Variants in MEIKIN observed in about 807,000 individuals in gnomAD.
MEIKIN encodes the protein meiosis-specific kinetochore protein.
At chr5:131,888,618 T>A (rs563333270) in intron 8 of MEIKIN, among the ~76,000 whole-genome samples, 4 of 152,242 alleles carry the variant, frequency 2.6e-5, no homozygotes, top group Non-Finnish European at 5.9e-5. Context: ...TAGCCCTTTG[T>A]CAGATGAGTA....
intron 9 of MEIKIN, among the ~76,000 whole-genome samples, chr5:131,861,998 C>G (rs1162165341): frequency 6.6e-6 from 1 of 152,114 alleles, no homozygotes; most frequent in Non-Finnish European, 1.5e-5. Context: ...TCCTCTTCAA[C>G]TTTTTGAAAT....
At chr5:131,906,922 T>C (rs963879781) in intron 8 of MEIKIN, among the ~76,000 whole-genome samples, 5 of 152,158 alleles carry the variant, frequency 3.3e-5, no homozygotes, top group African/African-American at 4.8e-5. Flanking sequence ...GCTTATTACA[T>C]AGATGAAGAA....
chr5:131,845,517 G>C (rs189098745), intron 11 of MEIKIN, among the ~76,000 whole-genome samples: 112 of 151,282 alleles, frequency 7.4e-4, no homozygotes, highest in South Asian at 6.2e-3. Context: ...TTTAAAAGAT[G>C]CTCAAAGAAC....
chr5:131,929,972 G>A (rs545822741), intron 5 of MEIKIN, among the ~76,000 whole-genome samples: 2 of 152,270 alleles, frequency 1.3e-5, no homozygotes, highest in Admixed American at 1.3e-4. Flanking sequence ...CTGCTATTGT[G>A]AAAATAGCTG....
intron 9 of MEIKIN, among the ~76,000 whole-genome samples, chr5:131,871,493 G>A (rs1032336934): frequency 8.5e-5 from 13 of 152,354 alleles, no homozygotes; most frequent in African/African-American, 2.9e-4. Flanking sequence ...TAAACAAAGC[G>A]GCTGGGAAGC....
intron 9 of MEIKIN, among the ~76,000 whole-genome samples, chr5:131,856,764 C>A (rs1010457956): frequency 5.9e-5 from 9 of 151,746 alleles, no homozygotes; most frequent in Non-Finnish European, 1.5e-5. Flanking sequence ...AGCTTCCCTA[C>A]ATTTTTTCTT....
intron 11 of MEIKIN, among the ~76,000 whole-genome samples, chr5:131,829,512 T>C (rs2149606110): frequency 6.6e-6 from 1 of 152,290 alleles, no homozygotes; most frequent in East Asian, 1.9e-4. Flanking sequence ...ACTTCCTTAG[T>C]AAATTGAAAT....
intron 9 of MEIKIN, among the ~76,000 whole-genome samples, chr5:131,873,776 G>C (rs1396989273): frequency 1.3e-5 from 2 of 152,168 alleles, no homozygotes; most frequent in African/African-American, 4.8e-5. Context: ...TAAAAGAACA[G>C]AAATTATAAC....
intron 8 of MEIKIN, among the ~76,000 whole-genome samples, chr5:131,891,092 T>A (rs1443530843): frequency 6.6e-5 from 10 of 152,230 alleles, no homozygotes; most frequent in African/African-American, 2.4e-4. Context: ...CAGTTTGTTA[T>A]GATTTCTGTT....
chr5:131,939,905 T>TATGA (rs1751840317), intron 4 of MEIKIN, among the ~76,000 whole-genome samples: 2 of 152,210 alleles, frequency 1.3e-5, no homozygotes, highest in Admixed American at 1.3e-4. Flanking sequence ...TAAATGGTAT[T>TATGA]TTCTCTAAAT....
rs201608774 is a variant in MEIKIN at position 131,943,818 on chromosome 5, TA to T, written c.288+846del. 7.3e-5 allele frequency among the ~76,000 whole-genome samples: 11 copies of T among 150,720 alleles called. No homozygotes were observed. In the East Asian group the frequency reaches 1.4e-3, roughly 19 times the overall value. On this transcript the variant is annotated intron_variant, in intron 3 of 12. Transcript: ENST00000442687. ...AACATGTTATAAAGGAATATTAAGT[TA>T]AAAAAAAATAGAACTTGGCCAGGTG...
At chr5:131,876,804 T>C (rs1403424453) in intron 9 of MEIKIN, among the ~76,000 whole-genome samples, 3 of 151,960 alleles carry the variant, frequency 2.0e-5, no homozygotes, top group African/African-American at 7.2e-5. Context: ...TACCATGGAA[T>C]ACTATGCAGC....
chr5:131,824,444 C>T (rs1025589196), intron 11 of MEIKIN, among the ~76,000 whole-genome samples: 1 of 151,780 alleles, frequency 6.6e-6, no homozygotes, highest in African/African-American at 2.4e-5. Flanking sequence ...CACTTGAGCC[C>T]AAGAGTTGAA....
At chr5:131,914,998 G>A (rs917114177) in intron 7 of MEIKIN, among the ~76,000 whole-genome samples, 1 of 152,132 alleles carries the variant, frequency 6.6e-6, no homozygotes, top group Non-Finnish European at 1.5e-5. Flanking sequence ...GAAGAGCTGG[G>A]GATGTTCAGG....
intron 8 of MEIKIN, among the ~76,000 whole-genome samples, chr5:131,895,685 T>C (rs1751029030): frequency 6.6e-6 from 1 of 152,228 alleles, no homozygotes; most frequent in African/African-American, 2.4e-5. Context: ...TAGAGGTGTT[T>C]ATATTATTTT....
chr5:131,896,298 C>T (rs954450599), intron 8 of MEIKIN, among the ~76,000 whole-genome samples: 5 of 152,136 alleles, frequency 3.3e-5, no homozygotes, highest in Non-Finnish European at 7.3e-5. Flanking sequence ...GAGTGCTTTA[C>T]TTCCAATTAT....
chr5:131,942,800 T>G (rs1561761885), intron 3 of MEIKIN, 105 bp from the exon 4 acceptor site: 2 of 386,150 alleles, frequency 5.2e-6, no homozygotes, highest in East Asian at 3.7e-5. Flanking sequence ...CATCAACTTT[T>G]TATATGTTTC....
At chr5:131,942,724 C>G (rs985754140) in intron 3 of MEIKIN, 29 bp from the exon 4 acceptor site, 32 of 397,566 alleles carry the variant, frequency 8.0e-5, no homozygotes, top group Non-Finnish European at 1.4e-4. Flanking sequence ...AAAGCTATAG[C>G]AAAATTATGA....
intron 9 of MEIKIN, among the ~76,000 whole-genome samples, chr5:131,868,262 T>A (rs1750424896): frequency 6.6e-6 from 1 of 152,164 alleles, no homozygotes; most frequent in Non-Finnish European, 1.5e-5. Flanking sequence ...GCTAATATTT[T>A]TTAGTAGAGA....
Sources: gnomAD v4.1 joint callset for allele counts (sites outside exome capture counted in the v4.1 genomes callset) on GRCh38, gnomAD v4.1.1 for gene constraint, MANE v1.5 for transcripts, NCBI Gene and HGNC (gene_info 2026-07-23, HGNC 2026-07-21) for gene names.